SPATA16: variants seen among roughly 807,000 people sequenced by gnomAD.
SPATA16 encodes spermatogenesis associated 16.
Under a neutral mutation model 63.3 loss-of-function variants are expected in SPATA16, and 36 were observed. The ratio of observed to expected loss-of-function variants is 0.57; its 90% confidence interval spans 0.44 to 0.75. The LOEUF is 0.75. SPATA16 is among the 30% of genes least tolerant of loss of function. The pLI is 0.00. For synonymous variants in SPATA16, 203 were observed against 216.7 expected, an observed-to-expected ratio of 0.94 and a Z score of 0.56; for missense variants, 646 against 679.3, an observed-to-expected ratio of 0.95 and a Z score of 0.54.
chr3:173,008,674 A>T (rs1278876352), intron 4 of SPATA16, among the ~76,000 whole-genome samples: 6 of 152,158 alleles, frequency 3.9e-5, no homozygotes, highest in African/African-American at 1.4e-4. Context: ...ACAGAATATG[A>T]CTTAAAATTT....
intron 2 of SPATA16, among the ~76,000 whole-genome samples, chr3:173,094,948 T>C (rs940154986): frequency 4.6e-5 from 7 of 152,198 alleles, no homozygotes; most frequent in African/African-American, 1.4e-4. Flanking sequence ...GCTATGTTGA[T>C]TATAAAATAT....
chr3:173,007,015 GT>G, intron 4 of SPATA16, among the ~76,000 whole-genome samples: 1 of 152,292 alleles, frequency 6.6e-6, no homozygotes, highest in Admixed American at 6.5e-5. Context: ...GGAAATGGCT[GT>G]TTTTAAGGCA....
intron 6 of SPATA16, among the ~76,000 whole-genome samples, chr3:172,937,588 A>G (rs1733035420): frequency 6.6e-6 from 1 of 151,006 alleles, no homozygotes; most frequent in Non-Finnish European, 1.5e-5. Context: ...TTATGCAGGA[A>G]CAACTGAGAG....
chr3:173,137,100 A>G (rs1352613608), intron 1 of SPATA16, among the ~76,000 whole-genome samples: 4 of 152,200 alleles, frequency 2.6e-5, no homozygotes, highest in African/African-American at 4.8e-5. Flanking sequence ...AAGTTCTGCT[A>G]TCAAAATAAA....
At chr3:172,976,221 G>A (rs937657449) in intron 5 of SPATA16, among the ~76,000 whole-genome samples, 1 of 152,094 alleles carries the variant, frequency 6.6e-6, no homozygotes, top group African/African-American at 2.4e-5. Flanking sequence ...AGTTTTAAGG[G>A]AGTAGAAATT....
At chr3:172,968,287 T>A (rs1005574873) in intron 5 of SPATA16, among the ~76,000 whole-genome samples, 3 of 152,180 alleles carry the variant, frequency 2.0e-5, no homozygotes, top group Non-Finnish European at 2.9e-5. Flanking sequence ...GACATTGTGT[T>A]GGTAGCAGGG....
intron 4 of SPATA16, among the ~76,000 whole-genome samples, chr3:173,007,389 G>A (rs1734967003): frequency 6.6e-6 from 1 of 152,196 alleles, no homozygotes; most frequent in African/African-American, 2.4e-5. Flanking sequence ...TAAAATAGGA[G>A]TAAACAGAAA....
At chr3:173,035,722 C>T (rs1487585368) in intron 3 of SPATA16, among the ~76,000 whole-genome samples, 10 of 152,026 alleles carry the variant, frequency 6.6e-5, no homozygotes, top group South Asian at 4.1e-4. Context: ...TGGTTCTCAA[C>T]GTGCAGCCTG....
intron 3 of SPATA16, among the ~76,000 whole-genome samples, chr3:173,028,031 C>T (rs372325397): frequency 0.092 from 6,384 of 69,442 alleles, 607 homozygotes; most frequent in East Asian, 0.14. Context: ...TCTTTCCTTC[C>T]TTCCTTCCTT....
chr3:173,124,121 C>G (rs751311209), intron 1 of SPATA16, among the ~76,000 whole-genome samples: 1 of 152,160 alleles, frequency 6.6e-6, no homozygotes, highest in Admixed American at 6.5e-5. Context: ...TGTACTTCGT[C>G]GTATCTCAAA....
intron 2 of SPATA16, among the ~76,000 whole-genome samples, chr3:173,086,248 G>C (rs566161151): frequency 1.6e-4 from 24 of 152,222 alleles, no homozygotes; most frequent in African/African-American, 5.3e-4. Context: ...CTTGTTCGTG[G>C]TACAACCTTG....
chr3:172,917,652 A>T (rs1466452607), intron 8 of SPATA16, among the ~76,000 whole-genome samples: 1 of 152,222 alleles, frequency 6.6e-6, no homozygotes, highest in African/African-American at 2.4e-5. Context: ...CAGAAGTTTG[A>T]GACAAACCAC....
intron 2 of SPATA16, 90 bp from the exon 3 acceptor site, chr3:173,049,184 A>G (rs1736024137): frequency 1.4e-6 from 2 of 1,430,268 alleles, no homozygotes; most frequent in Admixed American, 2.2e-5. Context: ...TTTTATTTAT[A>G]TATGTTTTGC....
intron 3 of SPATA16, among the ~76,000 whole-genome samples, chr3:173,020,495 G>T (rs917672090): frequency 2.6e-5 from 4 of 152,152 alleles, no homozygotes; most frequent in African/African-American, 9.7e-5. Flanking sequence ...GACAAGGCTT[G>T]ACTTGTGGAT....
At chr3:172,962,726 A>G (rs934930530) in intron 5 of SPATA16, among the ~76,000 whole-genome samples, 1 of 150,848 alleles carries the variant, frequency 6.6e-6, no homozygotes, top group African/African-American at 2.4e-5. Context: ...ACATTATTAA[A>G]TTCAAAGGAA....
intron 2 of SPATA16, among the ~76,000 whole-genome samples, chr3:173,078,775 T>C (rs1736861792): frequency 6.6e-6 from 1 of 152,210 alleles, no homozygotes; most frequent in South Asian, 2.1e-4. Flanking sequence ...ATTGCAGACC[T>C]TCCATCAGCT....
chr3:173,016,781 A>C (rs1735199309), intron 4 of SPATA16, among the ~76,000 whole-genome samples: 1 of 152,204 alleles, frequency 6.6e-6, no homozygotes. Flanking sequence ...TTGTGAGGCC[A>C]ATGCCAGGAA....
At chr3:172,959,286 C>T (rs1733681303) in intron 5 of SPATA16, among the ~76,000 whole-genome samples, 1 of 152,184 alleles carries the variant, frequency 6.6e-6, no homozygotes. Context: ...AGAACCTACA[C>T]CAGCTTTTAA....
intron 2 of SPATA16, among the ~76,000 whole-genome samples, chr3:173,113,798 T>C (rs1737812680): frequency 6.6e-6 from 1 of 152,232 alleles, no homozygotes; most frequent in Admixed American, 6.5e-5. Context: ...CTTACTTTTC[T>C]GTTTCTTTTT....
Sources: allele counts gnomAD v4.1 joint callset (sites outside exome capture counted in the v4.1 genomes callset), GRCh38; gene constraint gnomAD v4.1.1; transcripts MANE v1.5; gene names NCBI Gene and HGNC (gene_info 2026-07-23, HGNC 2026-07-21).